Variants in KRT7 observed in about 807,000 individuals in gnomAD.
The protein encoded by KRT7 is keratin, type II cytoskeletal 7.
Under a neutral mutation model 42.8 loss-of-function variants are expected in KRT7, and 50 were observed. The observed-to-expected ratio is 1.17, with a 90% CI of 0.93 to 1.48. The LOEUF is 1.48. Among genes scored for constraint, KRT7 ranks in the 40% most tolerant of loss-of-function variants. The pLI, the probability that KRT7 is intolerant of heterozygous loss-of-function variation, is 0.00. For synonymous variants in KRT7, 268 were observed against 266.3 expected (o/e 1.01, Z -0.06); for missense variants, 588 against 637.6 (o/e 0.92, Z 0.84).
At chr12:52,245,233 A>G in intron 6 of KRT7, 179 bp from the exon 7 acceptor site, 1 of 638,300 alleles carries the variant, frequency 1.6e-6, no homozygotes, top group Middle Eastern at 4.1e-4. Flanking sequence ...CCAGAACTGG[A>G]ACATAGGCGT....
downstream of KRT7, chr12:52,249,032 A>T (rs1215879048): frequency 3.4e-6 from 1 of 294,238 alleles, no homozygotes; most frequent in African/African-American, 2.2e-5. Flanking sequence ...CTGAGAAGGC[A>T]CATGGTGGGA....
chr12:52,248,250 T>C, intron 8 of KRT7, 39 bp downstream of exon 8: 1 of 1,608,414 alleles, frequency 6.2e-7, no homozygotes, highest in East Asian at 2.2e-5. Context: ...GCATCCCTTG[T>C]GCTGTTTAGA....
downstream of KRT7, chr12:52,249,013 T>G: frequency 3.0e-6 from 1 of 336,134 alleles, no homozygotes; most frequent in Non-Finnish European, 5.4e-6. Context: ...AAGCCTTTTG[T>G]GCAGGAGACT....
At chr12:52,252,535 G>A, downstream of KRT7, 1 of 1,595,676 alleles carries the variant, frequency 6.3e-7, no homozygotes, top group Non-Finnish European at 8.5e-7. Flanking sequence ...CAGGGTCAGA[G>A]GCCAGGTAAC....
chr12:52,249,212 C>T (rs1017988697), downstream of KRT7: 1 of 153,180 alleles, frequency 6.5e-6, no homozygotes, highest in African/African-American at 2.4e-5. Flanking sequence ...GGTGGAAAGG[C>T]TGTTTGCCTC....
rs112216295 is a variant in KRT7, at chr12:52,237,441, A to G, written c.537-68A>G. 5.4e-3 allele frequency: 6,271 copies of G among 1,158,098 alleles called. 243 individuals are homozygous for G. The African/African-American group carries it at 0.082, about 15-fold the overall frequency. The allele number at this position is 1,158,098 out of a possible 1,614,324, so 71.7% of individuals were successfully genotyped here. On this transcript the variant is annotated intron_variant, in intron 2 of 8. Transcript: ENST00000331817. The stretch of plus-strand genomic sequence containing the variant: ...GAGGCAGGGCAGATTTCACAGCTGC[A>G]TATGGCGGAGGGGGGACGGGAGCAT...
At chr12:52,237,646 C>A in intron 3 of KRT7, 77 bp downstream of exon 3, 1 of 1,293,968 alleles carries the variant, frequency 7.7e-7, no homozygotes, top group Non-Finnish European at 1.1e-6. Flanking sequence ...CTCACCTGAG[C>A]AGCCCATGGG....
chr12:52,234,508 T>C (rs992948010), intron 1 of KRT7, among the ~76,000 whole-genome samples: 1 of 152,016 alleles, frequency 6.6e-6, no homozygotes, highest in Admixed American at 6.5e-5. Flanking sequence ...GACCGGTCTT[T>C]TAGATTTCAT....
chr12:52,248,892 G>A lies in KRT7; in HGVS notation c.*132G>A, dbSNP rs534227236. On this transcript the variant is annotated 3_prime_UTR_variant, in exon 9 of 9. Transcript: ENST00000331817. ...TGATGTCAGAATAGCTTCCAATAAA[G>A]CAGCCTCATTCTGAGGCCTGAGTGA... The A allele has an allele frequency of 2.2e-6, 2 of 900,446 alleles. No homozygotes were observed. Among genetic ancestry groups the A allele is most frequent in the East Asian group, 6.3e-5 (2 of 31,546 alleles). 55.8% of individuals were successfully genotyped at this position (900,446 alleles called of 1,614,324 possible).
intron 1 of KRT7, 21 bp downstream of exon 1, chr12:52,233,641 C>A (rs1468814228): frequency 5.6e-6 from 9 of 1,610,268 alleles, no homozygotes; most frequent in Non-Finnish European, 7.6e-6. Context: ...CTGGACCTCG[C>A]CTCTCCTCGA....
intron 3 of KRT7, among the ~76,000 whole-genome samples, 156 bp from the exon 4 acceptor site, chr12:52,238,524 C>T (rs1942040360): frequency 6.6e-6 from 1 of 152,208 alleles, no homozygotes; most frequent in African/African-American, 2.4e-5. Context: ...AAGCTTCATG[C>T]TGTGACCATG....
downstream of KRT7, among the ~76,000 whole-genome samples, chr12:52,251,143 C>A (rs1212193009): frequency 6.6e-6 from 1 of 152,130 alleles, no homozygotes; most frequent in African/African-American, 2.4e-5. Flanking sequence ...CCTTGCCCGG[C>A]TAATTTTTTT....
At chr12:52,252,046 G>A (rs182307628), downstream of KRT7, 1,303 of 731,304 alleles carry the variant, frequency 1.8e-3, 12 homozygotes, top group Non-Finnish European at 4.5e-4. Flanking sequence ...CAGCACCAAC[G>A]CCCTCACACA....
Position 52,248,643 on chromosome 12 carries a change from C to T in KRT7, c.1293C>T (p.Thr431=). 1 of 1,611,412 alleles carries T rather than the reference C, an allele frequency of 6.2e-7. No homozygotes were observed. Among genetic ancestry groups the T allele is most frequent in the Middle Eastern group, 1.7e-4 (1 of 6,046 alleles). ...GCAGTGGCGGTGGCATTGGGCTGACCCTCGGGGGAACCATGGGCAGCAATG... is the reference window on the plus strand; with the variant it reads ...GCAGTGGCGGTGGCATTGGGCTGACTCTCGGGGGAACCATGGGCAGCAATG... ...GSSSGGGIGL[T]LGGTMGSNAL... is the part of the protein sequence containing the mutation. Residue 431 remains threonine (T), a synonymous_variant, in exon 9 of 9, where the codon ACC becomes ACT. Transcript: ENST00000331817.
chr12:52,239,071 T>TG (rs899798307), intron 4 of KRT7, among the ~76,000 whole-genome samples: 15 of 152,188 alleles, frequency 9.9e-5, no homozygotes, highest in African/African-American at 3.4e-4. Flanking sequence ...CTGAGTACTA[T>TG]GGGGTCACGA....
chr12:52,253,726 C>T (rs760303417), downstream of KRT7: 6 of 1,229,668 alleles, frequency 4.9e-6, no homozygotes, highest in South Asian at 2.3e-5. Context: ...TTGACGACCA[C>T]TGAGGTGTCT....
chr12:52,253,530 A>G, downstream of KRT7: 1 of 1,594,688 alleles, frequency 6.3e-7, no homozygotes, highest in Non-Finnish European at 8.6e-7. Flanking sequence ...CAGAAAAGGA[A>G]GCCTATTTAA....
At position 52,241,536 on chromosome 12, in the gene KRT7, G is replaced by A. The variant is rs780852976; in HGVS notation, c.758G>A (p.Arg253His). ...GTGGTGCTGTCCATGGACAACAGTC[G>A]CTCCCTGGACCTGGACGGCATCATC... The part of the protein sequence containing the change: ...TSVVLSMDNS[R>H]SLDLDGIIAE... The change falls in exon 5 of 9, where the codon CGC (arginine) becomes CAC (histidine). Residue 253 changes from arginine to histidine, a missense_variant. By Grantham distance (29) the Arg-to-His change is conservative. Coordinates refer to ENST00000331817, the MANE Select transcript of KRT7 (RefSeq NM_005556.4). 16 of 1,613,616 alleles carry A rather than the reference G, an allele frequency of 9.9e-6. No homozygotes were observed. The highest frequency in any genetic ancestry group is 6.7e-5 in the East Asian group (3 of 44,874).
downstream of KRT7, chr12:52,253,224 C>T (rs1942293752): frequency 7.5e-6 from 12 of 1,608,226 alleles, no homozygotes; most frequent in East Asian, 2.2e-5. Flanking sequence ...TGGCACTTGG[C>T]GTTCTCCACC....
Sources: allele counts gnomAD v4.1 joint callset (sites outside exome capture counted in the v4.1 genomes callset), GRCh38; gene constraint gnomAD v4.1.1; transcripts MANE v1.5; gene names NCBI Gene and HGNC (gene_info 2026-07-23, HGNC 2026-07-21).